Variants in RIMS1 observed in about 807,000 individuals in gnomAD.
RIMS1 encodes regulating synaptic membrane exocytosis 1, also known as regulating synaptic membrane exocytosis protein 1.
A neutral mutation model predicts 214.1 loss-of-function variants in RIMS1; 83 were observed. The observed-to-expected ratio is 0.39, with a 90% CI of 0.32 to 0.47. The LOEUF (loss-of-function observed/expected upper bound fraction) is 0.47, where lower values mean the gene tolerates loss of function less well. Ranked by LOEUF, RIMS1 falls within the 20% of genes least tolerant of loss-of-function variation. The pLI is 0.99. For missense variants in RIMS1, 2,050 were observed against 2,161.8 expected (o/e 0.95, Z 1.03); for synonymous variants, 793 against 786.8 (o/e 1.01, Z -0.13).
chr6:72,219,447 T>G (rs1187085004), intron 6 of RIMS1, among the ~76,000 whole-genome samples: 1 of 152,136 alleles, frequency 6.6e-6, no homozygotes, highest in Non-Finnish European at 1.5e-5. Flanking sequence ...AAATCTTGAT[T>G]GCGTAGTTAA....
chr6:72,063,411 A>G (rs1413751707), intron 2 of RIMS1, among the ~76,000 whole-genome samples: 3 of 152,204 alleles, frequency 2.0e-5, no homozygotes, highest in Admixed American at 6.5e-5. Flanking sequence ...ACCTGAAACA[A>G]TAAGTGTAAA....
At chr6:72,235,436 A>G (rs2697444) in intron 7 of RIMS1, among the ~76,000 whole-genome samples, 182 bp from the exon 8 acceptor site, 104,277 of 152,010 alleles carry the variant, frequency 0.69, 36,604 homozygotes, top group East Asian at 0.98. Flanking sequence ...TCCACATGTG[A>G]GTGAGAACAT....
At chr6:71,980,938 C>T (rs1798334611) in intron 2 of RIMS1, among the ~76,000 whole-genome samples, 1 of 152,040 alleles carries the variant, frequency 6.6e-6, no homozygotes, top group Non-Finnish European at 1.5e-5. Context: ...ATAGAAAAGG[C>T]AAGTACTTCT....
chr6:72,164,512 C>T (rs988499381), intron 4 of RIMS1, among the ~76,000 whole-genome samples: 2 of 152,122 alleles, frequency 1.3e-5, no homozygotes, highest in African/African-American at 4.8e-5. Flanking sequence ...TGGAGCTGTT[C>T]CTATTTAGCC....
intron 29 of RIMS1, among the ~76,000 whole-genome samples, chr6:72,381,639 A>G (rs1414605649): frequency 4.6e-5 from 7 of 152,244 alleles, no homozygotes; most frequent in African/African-American, 1.2e-4. Flanking sequence ...TGAACTTGCT[A>G]TTGTTTATAC....
At chr6:72,345,237 G>A (rs1052450613) in intron 29 of RIMS1, among the ~76,000 whole-genome samples, 4 of 151,430 alleles carry the variant, frequency 2.6e-5, no homozygotes, top group African/African-American at 9.7e-5. Flanking sequence ...ATACAGAAAG[G>A]CAAAAAGAAG....
intron 28 of RIMS1, among the ~76,000 whole-genome samples, chr6:72,318,463 T>C (rs2154306081): frequency 6.6e-6 from 1 of 152,316 alleles, no homozygotes; most frequent in Non-Finnish European, 1.5e-5. Flanking sequence ...ATGACTGTCA[T>C]ATGCTTCGCT....
At chr6:71,989,022 C>A (rs1800809932) in intron 2 of RIMS1, among the ~76,000 whole-genome samples, 1 of 152,062 alleles carries the variant, frequency 6.6e-6, no homozygotes, top group South Asian at 2.1e-4. Context: ...ATTGCCAACA[C>A]CAGTTTGTAG....
Position 71,886,881 on chromosome 6 carries a change from T to TGCTGCC in RIMS1, c.-140_-135dup. ...CTCTCCCCGGCTCTGCTGCTGCTGCTGCTGCCGCCGCCGCCGCTGCTCCTC... is the reference window on the plus strand; with the variant it reads ...CTCTCCCCGGCTCTGCTGCTGCTGCTGCTGCCGCTGCCGCCGCCGCCGCTGCTCCTC... On this transcript the variant is annotated 5_prime_UTR_variant, in exon 1 of 34. Transcript: ENST00000521978. 2 of 852,508 alleles carry TGCTGCC rather than the reference T, an allele frequency of 2.3e-6. No individual in the cohort carries two copies. Among genetic ancestry groups the TGCTGCC allele is most frequent in the East Asian group, 2.6e-5 (1 of 37,924 alleles). 52.8% of individuals were successfully genotyped at this position (852,508 alleles called of 1,614,324 possible). A position where few individuals can be genotyped will look rare whatever the true frequency, so the allele number is the denominator to read the frequency against.
chr6:72,074,845 C>A (rs892937420), intron 2 of RIMS1, among the ~76,000 whole-genome samples: 1 of 152,118 alleles, frequency 6.6e-6, no homozygotes, highest in Non-Finnish European at 1.5e-5. Flanking sequence ...GTGTAATTAA[C>A]ATAAGCAAAT....
At chr6:72,119,276 C>A (rs2037727609) in intron 4 of RIMS1, among the ~76,000 whole-genome samples, 1 of 151,510 alleles carries the variant, frequency 6.6e-6, no homozygotes, top group Non-Finnish European at 1.5e-5. Flanking sequence ...AAGACCTGTA[C>A]AAGGAAAGTG....
chr6:72,256,288 CA>C lies in RIMS1; in HGVS notation c.2771-1833del, dbSNP rs568329458. Among the ~76,000 whole-genome samples the C allele has an allele frequency of 1.8e-3, 278 of 151,972 alleles. 2 individuals are homozygous for C. Among genetic ancestry groups the C allele is most frequent in the African/African-American group, 6.4e-3 (265 of 41,472 alleles). On this transcript the variant is annotated intron_variant, in intron 16 of 33. Transcript: ENST00000521978. ...TATATTCAAAATGACTTTGAGTCACCAAAATAGTACACATTGCCGTCAGTAT... is the reference window on the plus strand; with the variant it reads ...TATATTCAAAATGACTTTGAGTCACCAAATAGTACACATTGCCGTCAGTAT...
At chr6:72,005,934 A>C (rs145275589) in intron 2 of RIMS1, among the ~76,000 whole-genome samples, 3 of 152,338 alleles carry the variant, frequency 2.0e-5, no homozygotes, top group East Asian at 3.9e-4. Flanking sequence ...TCAAGTTGCC[A>C]TGGCAAATTA....
chr6:72,387,759 G>A (rs967655634), intron 29 of RIMS1, among the ~76,000 whole-genome samples: 2 of 152,112 alleles, frequency 1.3e-5, no homozygotes, highest in Admixed American at 1.3e-4. Context: ...TTCTAAAGGG[G>A]AATTTAGAAA....
intron 29 of RIMS1, among the ~76,000 whole-genome samples, chr6:72,374,395 C>A (rs1196271354): frequency 6.6e-6 from 1 of 152,212 alleles, no homozygotes; most frequent in African/African-American, 2.4e-5. Flanking sequence ...ACCCTTAGGG[C>A]ACACAGGCTC....
chr6:72,260,640 A>G, intron 18 of RIMS1, 65 bp from the exon 19 acceptor site: 3 of 1,591,094 alleles, frequency 1.9e-6, no homozygotes, highest in Non-Finnish European at 2.6e-6. Context: ...TCATTGGCAT[A>G]CCATTGGCAT....
chr6:72,194,199 A>G (rs1409823313), intron 6 of RIMS1, among the ~76,000 whole-genome samples: 2 of 152,168 alleles, frequency 1.3e-5, no homozygotes, highest in African/African-American at 4.8e-5. Context: ...TGCAATTCCT[A>G]TGAAATTACC....
chr6:72,251,803 C>CCTCA (rs2073489168), intron 15 of RIMS1, among the ~76,000 whole-genome samples: 2 of 151,848 alleles, frequency 1.3e-5, no homozygotes, highest in East Asian at 3.9e-4. Context: ...CTGCACCTCC[C>CCTCA]GGGTTTAAGC....
At chr6:72,293,147 A>G (rs1216343988) in intron 26 of RIMS1, among the ~76,000 whole-genome samples, 2 of 151,444 alleles carry the variant, frequency 1.3e-5, no homozygotes, top group Non-Finnish European at 3.0e-5. Context: ...AAAGGTATCA[A>G]CTTATTAATA....
Sources: allele counts gnomAD v4.1 joint callset (sites outside exome capture counted in the v4.1 genomes callset), GRCh38; gene constraint gnomAD v4.1.1; transcripts MANE v1.5; gene names NCBI Gene and HGNC (gene_info 2026-07-23, HGNC 2026-07-21).